Variants in HABP2 observed in about 807,000 individuals in gnomAD.
HABP2 encodes the protein hyaluronan binding protein 2, also known as factor VII-activating protease.
In HABP2, 65 loss-of-function variants were observed where a neutral mutation model predicts 66.5. The observed-to-expected ratio is 0.98, with a 90% CI of 0.80 to 1.20. HABP2 has a LOEUF of 1.20. HABP2 is among the 50% of genes most tolerant of loss of function. The probability of loss-of-function intolerance (pLI) is 0.00; values close to 1 mark genes in which losing one functional copy is unlikely to be tolerated. For synonymous variants in HABP2, 263 were observed against 253.9 expected (o/e 1.04, Z -0.34); for missense variants, 786 against 691.0 (o/e 1.14, Z -1.54).
In HABP2 at chr10:113,586,014, C is replaced by T. The variant is rs138624641; in HGVS notation, c.1518+76C>T. On this transcript the variant is annotated intron_variant, in intron 12 of 12. Coordinates refer to ENST00000351270, the MANE Select transcript of HABP2 (RefSeq NM_004132.5). Reference sequence around the variant, plus strand: ...CACTAGGCAGAGGACCCTTAGAGCCCTGGGCTGGGAGCTAGGTTCAGAGGT... The same window carrying T: ...CACTAGGCAGAGGACCCTTAGAGCCTTGGGCTGGGAGCTAGGTTCAGAGGT... 7.5e-4 allele frequency: 1,016 copies of T among 1,355,306 alleles called. 6 individuals carry two copies. The African/African-American group carries it at 0.013, about 18-fold the overall frequency. The allele number at this position is 1,355,306 out of a possible 1,614,324, so 84.0% of individuals were successfully genotyped here. A position where few individuals can be genotyped will look rare whatever the true frequency, so the allele number is the denominator to read the frequency against.
chr10:113,581,996 G>A lies in HABP2; in HGVS notation c.959G>A (p.Ser320Asn), dbSNP rs367723057. 3 of 1,614,110 alleles carry A rather than the reference G, an allele frequency of 1.9e-6. No homozygotes were observed. In the African/African-American group the frequency reaches 4.0e-5, roughly 22 times the overall value. The change falls in exon 9 of 13, where the codon AGC (serine) becomes AAC (asparagine). Residue 320 changes from serine (S) to asparagine (N), a missense_variant. Ser to Asn is a conservative substitution (Grantham distance 46, BLOSUM62 1). Coordinates refer to ENST00000351270, the MANE Select transcript of HABP2 (RefSeq NM_004132.5). ...AAGAGAATCTATGGAGGCTTTAAGA[G>A]CACGGCGGGCAAGCACCCATGGCAG... ...KIKRIYGGFK[S>N]TAGKHPWQAS...
chr10:113,581,790 G>C, intron 8 of HABP2, 86 bp from the exon 9 acceptor site: 2 of 1,391,348 alleles, frequency 1.4e-6, no homozygotes, highest in Non-Finnish European at 2.0e-6. Context: ...TCAGCTGTTG[G>C]GCTCAGAGTC....
intron 2 of HABP2, chr10:113,569,903 ATTCTGTTCCACACATC>A: frequency 2.0e-5 from 3 of 152,246 alleles, no homozygotes; most frequent in African/African-American, 7.2e-5. Context: ...GGGGATTTTG[ATTCTGTTCCACACATC>A]TGGCAAGCTC....
At chr10:113,563,775 G>A (rs933992525) in intron 1 of HABP2, among the ~76,000 whole-genome samples, 11 of 152,190 alleles carry the variant, frequency 7.2e-5, no homozygotes, top group African/African-American at 1.2e-4. Context: ...GTCCCTCAAA[G>A]TCTTCTGCCC....
At chr10:113,575,613 G>C (rs189333809) in intron 3 of HABP2, among the ~76,000 whole-genome samples, 3 of 152,256 alleles carry the variant, frequency 2.0e-5, no homozygotes, top group East Asian at 3.9e-4. Flanking sequence ...GAAAAGGGGA[G>C]TTTCTCAATG....
At chr10:113,562,183 C>T (rs1845111568) in intron 1 of HABP2, among the ~76,000 whole-genome samples, 2 of 152,210 alleles carry the variant, frequency 1.3e-5, no homozygotes, top group African/African-American at 2.4e-5. Context: ...GCAGAAGCAG[C>T]AGCGTCCACC....
At chr10:113,553,989 T>C (rs1844945983) in intron 1 of HABP2, among the ~76,000 whole-genome samples, 1 of 152,208 alleles carries the variant, frequency 6.6e-6, no homozygotes, top group Admixed American at 6.5e-5. Context: ...GTCTGAGGCA[T>C]GAATGTGGGC....
chr10:113,560,547 G>C (rs960450191), intron 1 of HABP2, among the ~76,000 whole-genome samples: 4 of 152,156 alleles, frequency 2.6e-5, no homozygotes, highest in African/African-American at 9.7e-5. Context: ...TGAAAGCAGA[G>C]ACTTGAACAG....
chr10:113,571,117 T>G (rs1253556968), intron 2 of HABP2, among the ~76,000 whole-genome samples: 10 of 152,210 alleles, frequency 6.6e-5, no homozygotes, highest in Admixed American at 6.5e-4. Context: ...CTTAGTAGCT[T>G]AAACCACTGA....
At position 113,581,900 on chromosome 10, in the gene HABP2, C is replaced by A; in HGVS notation, c.863C>A (p.Pro288His). 6.2e-7 allele frequency: 1 copy of A among 1,614,110 alleles called. No homozygotes were observed. Among genetic ancestry groups the A allele is most frequent in the Non-Finnish European group, 8.5e-7 (1 of 1,179,976 alleles). The change falls in exon 9 of 13, where the codon CCC (proline) becomes CAC (histidine). Residue 288 changes from proline to histidine, a missense_variant. Coordinates refer to ENST00000351270, the MANE Select transcript of HABP2 (RefSeq NM_004132.5). ...GACGTTGCCTACCCAGAGGAAAGCCCCACTGAGCCATCAACCAAGCTTCCG... is the reference window on the plus strand; with the variant it reads ...GACGTTGCCTACCCAGAGGAAAGCCACACTGAGCCATCAACCAAGCTTCCG... The part of the protein sequence containing the change: ...AQDVAYPEES[P>H]TEPSTKLPGF...
rs186172374 is a variant in HABP2 at position 113,588,734 on chromosome 10, A to G, written c.*365A>G. On this transcript the variant is annotated 3_prime_UTR_variant, in exon 13 of 13. Transcript: ENST00000351270. ...CAGCATCAGCGGGAACCACCATCAC[A>G]TCTTTATTCCTCAGCCCAGACACTC... 4 of 557,040 alleles carry G rather than the reference A, an allele frequency of 7.2e-6. No homozygotes were observed. In the Admixed American group the frequency reaches 1.3e-4, roughly 19 times the overall value. The allele number at this position is 557,040 out of a possible 1,614,324, so 34.5% of individuals were successfully genotyped here.
chr10:113,580,727 G>C lies in HABP2; in HGVS notation c.838+35G>C, dbSNP rs375238541. ...ATGGCTGTTCAGAAGCCCAGGGGGT[G>C]GGGGGGATGGAGATTTGTAGGGAGA... On this transcript the variant is annotated intron_variant, in intron 8 of 12. Transcript: ENST00000351270. 1.7e-5 allele frequency: 18 copies of C among 1,083,162 alleles called. No homozygotes were observed. In the African/African-American group the frequency reaches 1.7e-4, roughly 10 times the overall value. The allele number at this position is 1,083,162 out of a possible 1,614,324, so 67.1% of individuals were successfully genotyped here. A position where few individuals can be genotyped will look rare whatever the true frequency, so the allele number is the denominator to read the frequency against.
chr10:113,566,508 C>T (rs755802554), intron 1 of HABP2, among the ~76,000 whole-genome samples: 1 of 152,166 alleles, frequency 6.6e-6, no homozygotes, highest in Non-Finnish European at 1.5e-5. Context: ...TGAGGAATGC[C>T]ATGTGCCAAG....
At chr10:113,584,069 T>C in intron 10 of HABP2, 79 bp from the exon 11 acceptor site, 2 of 1,331,352 alleles carry the variant, frequency 1.5e-6, no homozygotes, top group Middle Eastern at 1.9e-4. Context: ...TGTGGCCACC[T>C]TCATGAGCAA....
Position 113,589,290 on chromosome 10 carries a change from T to TTTC in HABP2, c.*926_*928dup. The TTTC allele has an allele frequency of 1.7e-6, 1 of 585,888 alleles. No homozygotes were observed. The highest frequency in any genetic ancestry group is 2.2e-5 in the South Asian group (1 of 45,170). The allele number at this position is 585,888 out of a possible 1,614,324, so 36.3% of individuals were successfully genotyped here. A position where few individuals can be genotyped will look rare whatever the true frequency, so the allele number is the denominator to read the frequency against. The stretch of plus-strand genomic sequence containing the variant: ...CAATCTCTCATTTAGACCTGGCTTC[T>TTTC]TTCTTCTGAACAAAGTAGGGTTCAA... On this transcript the variant is annotated 3_prime_UTR_variant, in exon 13 of 13. Coordinates refer to ENST00000351270, the MANE Select transcript of HABP2 (RefSeq NM_004132.5).
At chr10:113,556,804 C>CTTTTTTTTTTT (rs66685949) in intron 1 of HABP2, among the ~76,000 whole-genome samples, 1 of 105,134 alleles carries the variant, frequency 9.5e-6, no homozygotes, top group Non-Finnish European at 1.8e-5. Flanking sequence ...TTCTTTTATT[C>CTTTTTTTTTTT]TTTTTTTTTT....
intron 4 of HABP2, among the ~76,000 whole-genome samples, chr10:113,576,581 G>A (rs559861481): frequency 6.6e-6 from 1 of 152,300 alleles, no homozygotes; most frequent in South Asian, 2.1e-4. Context: ...ACTCCTAGGG[G>A]CTAATTTTAC....
intron 11 of HABP2, among the ~76,000 whole-genome samples, chr10:113,585,164 T>C (rs1845610918): frequency 6.6e-6 from 1 of 152,156 alleles, no homozygotes; most frequent in Non-Finnish European, 1.5e-5. Flanking sequence ...GTAAACTCAT[T>C]TTACAGCCAT....
At position 113,574,290 on chromosome 10, in the gene HABP2, C is replaced by T; in HGVS notation, c.108C>T (p.Asp36=). Residue 36 remains aspartate (D), a splice_region_variant and synonymous_variant, in exon 3 of 13, where the codon GAC becomes GAT. Transcript: ENST00000351270. The part of the protein sequence containing the change: ...LMSLLESLDP[D]WTPDQYDYSY... ...TCTGTCCTGTTACCATCCCTGCAGA[C>T]TGGACCCCTGACCAGTATGATTACA... The T allele has an allele frequency of 1.3e-6, 2 of 1,524,068 alleles. No individual in the cohort carries two copies. Among genetic ancestry groups the T allele is most frequent in the Non-Finnish European group, 1.8e-6 (2 of 1,097,682 alleles). 94.4% of individuals were successfully genotyped at this position (1,524,068 alleles called of 1,614,324 possible).
Sources: allele counts gnomAD v4.1 joint callset (sites outside exome capture counted in the v4.1 genomes callset), GRCh38; gene constraint gnomAD v4.1.1; transcripts MANE v1.5; gene names NCBI Gene and HGNC (gene_info 2026-07-23, HGNC 2026-07-21).